The following FSD1L variants were observed in gnomAD, a reference collection of about 807,000 sequenced individuals.
FSD1L encodes fibronectin type III and SPRY domain containing 1 like.
In FSD1L, 45 loss-of-function variants were observed where a neutral mutation model predicts 71.6. That is an observed-to-expected ratio of 0.63 (90% CI 0.49 to 0.81). The LOEUF (loss-of-function observed/expected upper bound fraction) is 0.81. Ranked by LOEUF, FSD1L falls within the 30% of genes least tolerant of loss-of-function variation. The pLI is 0.00. For missense variants in FSD1L, 561 were observed against 618.1 expected (o/e 0.91, Z 0.98); for synonymous variants, 197 against 207.2 (o/e 0.95, Z 0.42).
chr9:105,444,415 G>GCTGAC (rs1829598650), upstream of FSD1L, among the ~76,000 whole-genome samples: 1 of 152,176 alleles, frequency 6.6e-6, no homozygotes, highest in South Asian at 2.1e-4. Context: ...AATTCACACT[G>GCTGAC]CTGACTCCAT....
rs1040088311 is a variant in FSD1L, at chr9:105,493,086, T to A, written c.586+8584T>A. On this transcript the variant is annotated intron_variant, in intron 7 of 13. Coordinates refer to ENST00000481272, the MANE Select transcript of FSD1L (RefSeq NM_001145313.3). ...CTTTCTGTCTCGTTGATCTGTCTAA[T>A]GTTGACAGTGGGGTTTTAAAGTCTC... 8.2e-3 allele frequency among the ~76,000 whole-genome samples: 1,250 copies of A among 152,270 alleles called. 21 individuals are homozygous for A. The highest frequency in any genetic ancestry group is 0.029 in the African/African-American group (1,194 of 41,504).
chr9:105,535,363 T>C (rs142150044), intron 12 of FSD1L, 45 bp downstream of exon 12: 43 of 1,532,148 alleles, frequency 2.8e-5, no homozygotes, highest in Non-Finnish European at 1.7e-5. Context: ...GTTGCTTGCA[T>C]TTCAGTACCT....
Position 105,523,806 on chromosome 9 carries a change from C to T in FSD1L, c.1026-10687C>T, listed in dbSNP as rs115004725. 1,861 of 1,599,428 alleles carry T rather than the reference C, an allele frequency of 1.2e-3. 25 individuals are homozygous for T. The African/African-American group carries it at 0.021, about 18-fold the overall frequency. ...GCATTGTGGATTACTTCATATTGAC[C>T]AGGATATTGTCAATACAATCATCAA... On this transcript the variant is annotated intron_variant, in intron 10 of 13. Transcript: ENST00000481272.
chr9:105,524,602 C>T, intron 10 of FSD1L: 2 of 1,613,870 alleles, frequency 1.2e-6, no homozygotes, highest in Admixed American at 3.3e-5. Context: ...AGGTATTTTC[C>T]CATGAGCCTC....
upstream of FSD1L, among the ~76,000 whole-genome samples, chr9:105,443,262 G>A (rs1282031290): frequency 6.6e-6 from 1 of 152,226 alleles, no homozygotes; most frequent in Non-Finnish European, 1.5e-5. Context: ...CCATGTGGCT[G>A]CAGAGGCCTC....
upstream of FSD1L, chr9:105,447,786 C>G (rs1053134124): frequency 5.4e-5 from 14 of 260,586 alleles, no homozygotes; most frequent in Admixed American, 1.1e-4. Context: ...GTCTCCAGCA[C>G]CAGATACTCT....
At chr9:105,516,408 A>AC (rs1467788955) in intron 10 of FSD1L, among the ~76,000 whole-genome samples, 6 of 152,144 alleles carry the variant, frequency 3.9e-5, no homozygotes, top group African/African-American at 1.4e-4. Flanking sequence ...GACACCTCCC[A>AC]GTAGGTGCCG....
chr9:105,505,852 T>C (rs1834022828), intron 7 of FSD1L, among the ~76,000 whole-genome samples: 2 of 152,226 alleles, frequency 1.3e-5, no homozygotes, highest in South Asian at 4.1e-4. Flanking sequence ...TCTACATTTG[T>C]TATGTCAGTG....
intron 2 of FSD1L, among the ~76,000 whole-genome samples, chr9:105,463,756 G>T (rs1200033368): frequency 6.6e-6 from 1 of 151,996 alleles, no homozygotes; most frequent in Non-Finnish European, 1.5e-5. Flanking sequence ...TGGAATGAAT[G>T]TTGTCATTCT....
chr9:105,493,028 G>A (rs1336994506), intron 7 of FSD1L, among the ~76,000 whole-genome samples: 8 of 152,164 alleles, frequency 5.3e-5, no homozygotes, highest in Non-Finnish European at 1.0e-4. Flanking sequence ...ACTTGGTGCA[G>A]AGCTGAGTTG....
chr9:105,465,025 T>G (rs1181518043), intron 3 of FSD1L, among the ~76,000 whole-genome samples: 1 of 151,972 alleles, frequency 6.6e-6, no homozygotes, highest in Non-Finnish European at 1.5e-5. Context: ...CTTGTAGAAG[T>G]AGATGAAAGT....
intron 7 of FSD1L, among the ~76,000 whole-genome samples, chr9:105,501,545 C>G (rs1833762083): frequency 6.6e-6 from 1 of 152,022 alleles, no homozygotes; most frequent in Non-Finnish European, 1.5e-5. Flanking sequence ...GCATCAGCCT[C>G]CTGAGTTGCT....
At chr9:105,462,520 A>ATT (rs773853934) in intron 2 of FSD1L, among the ~76,000 whole-genome samples, 1,284 of 104,214 alleles carry the variant, frequency 0.012, 29 homozygotes, top group African/African-American at 0.023. Flanking sequence ...TGTGACTGAC[A>ATT]TTTTTTTTTT....
rs145397394 is a variant in FSD1L, at chr9:105,537,139, C to T, written c.1378+1821C>T. Among the ~76,000 whole-genome samples the T allele has an allele frequency of 7.9e-3, 1,205 of 152,250 alleles. 10 individuals are homozygous for T. The highest frequency in any genetic ancestry group is 0.02 in the Middle Eastern group (6 of 294). On this transcript the variant is annotated intron_variant, in intron 12 of 13. Transcript: ENST00000481272. ...ATTTCATAAGCATATTCTCTACAGT[C>T]ATCTAATGTATAATAATTTTGAAGA... is the stretch of plus-strand genomic sequence containing the variant.
chr9:105,491,022 G>GT (rs1050882014), intron 7 of FSD1L, among the ~76,000 whole-genome samples: 122 of 151,990 alleles, frequency 8.0e-4, no homozygotes, highest in African/African-American at 2.7e-3. Flanking sequence ...CTTTAAAGTA[G>GT]TTTTTTCGAA....
At chr9:105,531,236 A>G (rs887724010) in intron 10 of FSD1L, among the ~76,000 whole-genome samples, 6 of 152,160 alleles carry the variant, frequency 3.9e-5, no homozygotes, top group African/African-American at 1.2e-4. Flanking sequence ...GGTAATTTGC[A>G]TTTTTAAAAG....
intron 10 of FSD1L, chr9:105,524,391 T>C: frequency 6.2e-7 from 1 of 1,613,960 alleles, no homozygotes; most frequent in East Asian, 2.2e-5. Context: ...AGAGGCTTCA[T>C]CTTATGAAAT....
intron 10 of FSD1L, chr9:105,523,480 A>G: frequency 6.2e-7 from 1 of 1,613,094 alleles, no homozygotes; most frequent in South Asian, 1.1e-5. Context: ...GGAGATGTAA[A>G]TTCAATCATG....
chr9:105,464,909 C>T lies in FSD1L; in HGVS notation c.207+578C>T, dbSNP rs993794971. On this transcript the variant is annotated intron_variant, in intron 3 of 13. Transcript: ENST00000481272. ...GTAGGAGGATCGTCTGAGCCCAGGA[C>T]GTCGAGGCTGCAGTGAGCATTGATT... Among the ~76,000 whole-genome samples, 8 of 152,032 alleles carry T rather than the reference C, an allele frequency of 5.3e-5. No individual in the cohort carries two copies. In the East Asian group the frequency reaches 9.6e-4, roughly 18 times the overall value.
Sources: allele counts gnomAD v4.1 joint callset (sites outside exome capture counted in the v4.1 genomes callset), GRCh38; gene constraint gnomAD v4.1.1; transcripts MANE v1.5; gene names NCBI Gene and HGNC (gene_info 2026-07-23, HGNC 2026-07-21).